Variants in PDE3A observed in about 807,000 individuals in gnomAD.
The protein encoded by PDE3A is cGMP-inhibited 3',5'-cyclic phosphodiesterase 3A.
In PDE3A, 43 loss-of-function variants were observed where a neutral mutation model predicts 98.3. The ratio of observed to expected loss-of-function variants is 0.44; its 90% CI spans 0.34 to 0.56. The LOEUF is 0.56. Ranked by LOEUF, PDE3A falls within the 20% of genes least tolerant of loss-of-function variation. The pLI is 0.01. For missense variants in PDE3A, 1,427 were observed against 1,440.7 expected, an observed-to-expected ratio of 0.99 and a Z score of 0.15; for synonymous variants, 663 against 567.9, an observed-to-expected ratio of 1.17 and a Z score of -2.38.
intron 2 of PDE3A, among the ~76,000 whole-genome samples, chr12:20,584,808 A>AT (rs1430635076): frequency 6.6e-6 from 1 of 151,756 alleles, no homozygotes; most frequent in Non-Finnish European, 1.5e-5. Flanking sequence ...GGCAATTTTC[A>AT]TTTTTTTTAT....
At chr12:20,514,323 A>T (rs35837848) in intron 1 of PDE3A, among the ~76,000 whole-genome samples, 49,876 of 151,678 alleles carry the variant, frequency 0.33, 8,441 homozygotes, top group East Asian at 0.53. Flanking sequence ...TTGAAAGGAA[A>T]AATGTCTTCT....
In PDE3A at chr12:20,368,810, A is replaced by T. The variant is rs1328483189; in HGVS notation, c.-475A>T. On this transcript the variant is annotated 5_prime_UTR_variant, in exon 1 of 16. Transcript: ENST00000359062. ...CCGCGGGCCCGGCGCGCTGCAGCGC[A>T]GCGCAGCGCCGAGCTGCGCCTCGGA... Among the ~76,000 whole-genome samples, 1 of 151,758 alleles carries T rather than the reference A, an allele frequency of 6.6e-6. No individual in the cohort carries two copies. Among genetic ancestry groups the T allele is most frequent in the Admixed American group, 6.6e-5 (1 of 15,264 alleles).
At chr12:20,618,985 C>T (rs1445097285) in intron 4 of PDE3A, among the ~76,000 whole-genome samples, 1 of 151,918 alleles carries the variant, frequency 6.6e-6, no homozygotes, top group Non-Finnish European at 1.5e-5. Flanking sequence ...TCTGCTGTGC[C>T]AGCATGAGAA....
chr12:20,641,057 GA>G (rs897368036), intron 10 of PDE3A, among the ~76,000 whole-genome samples: 3 of 152,054 alleles, frequency 2.0e-5, no homozygotes, highest in Admixed American at 6.6e-5. Flanking sequence ...GTATTTCCAG[GA>G]AGGGGTATCA....
chr12:20,387,423 A>G (rs532504832), intron 1 of PDE3A, among the ~76,000 whole-genome samples: 1 of 152,032 alleles, frequency 6.6e-6, no homozygotes, highest in African/African-American at 2.4e-5. Context: ...ATGTTTTTCC[A>G]TTTGTTTGTG....
rs762679622 is a variant in PDE3A, at chr12:20,686,368, C to T, written c.*6097C>T. On this transcript the variant is annotated 3_prime_UTR_variant, in exon 16 of 16. Coordinates refer to ENST00000359062, the MANE Select transcript of PDE3A (RefSeq NM_000921.5). ...TATTTTATTTTACTAAGTTCTAACA[C>T]AAAAGGCCAAATACTTATCTTTCCT... 2.0e-5 allele frequency among the ~76,000 whole-genome samples: 3 copies of T among 152,164 alleles called. No homozygotes were observed. Among genetic ancestry groups the T allele is most frequent in the Non-Finnish European group, 4.4e-5 (3 of 67,984 alleles).
intron 15 of PDE3A, among the ~76,000 whole-genome samples, chr12:20,672,789 G>A (rs555001016): frequency 7.5e-6 from 1 of 133,602 alleles, no homozygotes; most frequent in East Asian, 2.2e-4. Context: ...ATAGGCATGG[G>A]CAAGGACTTC....
At chr12:20,619,093 G>A (rs1046961791) in intron 4 of PDE3A, among the ~76,000 whole-genome samples, 13 of 151,988 alleles carry the variant, frequency 8.6e-5, no homozygotes, top group African/African-American at 2.7e-4. Context: ...AAAGGACAGC[G>A]ATGAAAAGCT....
intron 1 of PDE3A, among the ~76,000 whole-genome samples, chr12:20,525,570 CA>C (rs1474099980): frequency 6.6e-6 from 1 of 151,842 alleles, no homozygotes; most frequent in Non-Finnish European, 1.5e-5. Flanking sequence ...TTGTTTTGAA[CA>C]AAGACCCTTT....
At chr12:20,402,159 C>T (rs947990788) in intron 1 of PDE3A, among the ~76,000 whole-genome samples, 1 of 151,710 alleles carries the variant, frequency 6.6e-6, no homozygotes, top group African/African-American at 2.4e-5. Flanking sequence ...TCCTGGATTT[C>T]TTTTTTTTAA....
Position 20,369,208 on chromosome 12 carries a change from TG to T in PDE3A, c.-76del. The T allele has an allele frequency of 1.2e-6, 1 of 824,282 alleles. No homozygotes were observed. The highest frequency in any genetic ancestry group is 1.8e-6 in the Non-Finnish European group (1 of 558,726). The allele number at this position is 824,282 out of a possible 1,614,324, so 51.1% of individuals were successfully genotyped here. A position where few individuals can be genotyped will look rare whatever the true frequency, so the allele number is the denominator to read the frequency against. On this transcript the variant is annotated 5_prime_UTR_variant, in exon 1 of 16. Coordinates refer to ENST00000359062, the MANE Select transcript of PDE3A (RefSeq NM_000921.5). ...GTGCGTGCGTGTGTGTGTGTGTGTG[TG>T]TGCGCGCGCGCGCGTGGGTCGGGGC...
chr12:20,612,134 C>T (rs1264669795), intron 2 of PDE3A, among the ~76,000 whole-genome samples: 1 of 151,790 alleles, frequency 6.6e-6, no homozygotes, highest in Non-Finnish European at 1.5e-5. Flanking sequence ...CTCGTTTACC[C>T]AAACCATTAC....
chr12:20,615,398 A>ATCTC (rs1943979226), intron 3 of PDE3A, among the ~76,000 whole-genome samples: 1 of 152,108 alleles, frequency 6.6e-6, no homozygotes, highest in South Asian at 2.1e-4. Flanking sequence ...CATTACCCAT[A>ATCTC]TCTCTGTTGT....
At chr12:20,477,301 A>G (rs896910672) in intron 1 of PDE3A, among the ~76,000 whole-genome samples, 5 of 152,216 alleles carry the variant, frequency 3.3e-5, no homozygotes, top group Non-Finnish European at 7.3e-5. Flanking sequence ...ATAATATTTT[A>G]CCATAAGTAC....
chr12:20,434,470 C>G (rs1251892366), intron 1 of PDE3A, among the ~76,000 whole-genome samples: 1 of 152,116 alleles, frequency 6.6e-6, no homozygotes, highest in African/African-American at 2.4e-5. Flanking sequence ...AGAGTGTTTG[C>G]TAGCTTTTAG....
chr12:20,629,471 T>G (rs1466945445), intron 5 of PDE3A, among the ~76,000 whole-genome samples: 2 of 152,220 alleles, frequency 1.3e-5, no homozygotes, highest in African/African-American at 4.8e-5. Flanking sequence ...CCTGCTGAAC[T>G]CTGCCCCCAG....
chr12:20,496,332 C>T (rs929365932), intron 1 of PDE3A, among the ~76,000 whole-genome samples: 1 of 152,164 alleles, frequency 6.6e-6, no homozygotes, highest in Non-Finnish European at 1.5e-5. Flanking sequence ...TATAAGTGGA[C>T]AAGCCCCCTT....
chr12:20,456,129 T>G (rs148037945), intron 1 of PDE3A, among the ~76,000 whole-genome samples: 2,163 of 152,238 alleles, frequency 0.014, 26 homozygotes, highest in Middle Eastern at 0.037. Flanking sequence ...ATCATCTCTT[T>G]CGCAGCACTC....
rs190741601 is a variant in PDE3A at position 20,482,501 on chromosome 12, G to C, written c.961-74159G>C. On this transcript the variant is annotated intron_variant, in intron 1 of 15. Coordinates refer to ENST00000359062, the MANE Select transcript of PDE3A (RefSeq NM_000921.5). ...AGATTCTGGCACACAAAGTTGAACA[G>C]TGCAAAACATTGAAGCCCAGCTATA... Among the ~76,000 whole-genome samples, 123 of 152,346 alleles carry C rather than the reference G, an allele frequency of 8.1e-4. 1 individual carries two copies. Among genetic ancestry groups the C allele is most frequent in the African/African-American group, 2.7e-3 (113 of 41,578 alleles).
Sources: gnomAD v4.1 joint callset for allele counts (sites outside exome capture counted in the v4.1 genomes callset) on GRCh38, gnomAD v4.1.1 for gene constraint, MANE v1.5 for transcripts, NCBI Gene and HGNC (gene_info 2026-07-23, HGNC 2026-07-21) for gene names.